Variants in GYS2 observed in about 807,000 individuals in gnomAD.
GYS2 encodes glycogen synthase 2.
GYS2 carries 80 observed loss-of-function variants against 85.6 expected under a neutral mutation model. The ratio of observed to expected loss-of-function variants is 0.93; its 90% CI spans 0.78 to 1.13. GYS2 has a LOEUF of 1.13. Among genes scored for constraint, GYS2 ranks in the 50% most tolerant of loss-of-function variants. The pLI is 0.00. For synonymous variants in GYS2, 328 were observed against 300.7 expected (o/e 1.09, Z -0.94); for missense variants, 881 against 854.9 (o/e 1.03, Z -0.38).
chr12:21,599,158 G>T (rs931268239), intron 1 of GYS2, among the ~76,000 whole-genome samples: 2 of 151,686 alleles, frequency 1.3e-5, no homozygotes, highest in Non-Finnish European at 2.9e-5. Flanking sequence ...CACATATGGA[G>T]AAATTTCACT....
rs78428749 is a variant in GYS2, at chr12:21,555,382, G to A, written c.1422+2818C>T. Among the ~76,000 whole-genome samples, 101 of 152,214 alleles carry A rather than the reference G, an allele frequency of 6.6e-4. 3 individuals carry two copies. In the East Asian group the frequency reaches 0.019, roughly 29 times the overall value. Reference sequence around the variant, plus strand: ...GATACATTCCTGCATTCCCAGGGATGTAGCTCACTTATTATAGGAGGTGTG... The same window carrying A: ...GATACATTCCTGCATTCCCAGGGATATAGCTCACTTATTATAGGAGGTGTG... On this transcript the variant is annotated intron_variant, in intron 11 of 15. Coordinates refer to ENST00000261195, the MANE Select transcript of GYS2 (RefSeq NM_021957.4).
At chr12:21,591,178 C>T (rs1450877191) in intron 1 of GYS2, among the ~76,000 whole-genome samples, 1 of 151,662 alleles carries the variant, frequency 6.6e-6, no homozygotes, top group African/African-American at 2.4e-5. Context: ...AAAAAGAATC[C>T]AAAATGTTGA....
intron 3 of GYS2, 64 bp from the exon 4 acceptor site, chr12:21,574,390 C>T: frequency 8.2e-7 from 1 of 1,226,716 alleles, no homozygotes; most frequent in Non-Finnish European, 1.2e-6. Flanking sequence ...GCTCATGGTC[C>T]ACATCATAAG....
chr12:21,580,581 T>G (rs1944497768), intron 1 of GYS2, 58 bp from the exon 2 acceptor site: 1 of 1,269,142 alleles, frequency 7.9e-7, no homozygotes, highest in African/African-American at 1.5e-5. Flanking sequence ...TTTAAAGTAA[T>G]AAGGGATGGA....
chr12:21,565,613 A>C (rs1021826600), intron 5 of GYS2, among the ~76,000 whole-genome samples: 1 of 150,458 alleles, frequency 6.6e-6, no homozygotes, highest in Non-Finnish European at 1.5e-5. Flanking sequence ...GATTAATTTA[A>C]TTTAATTAGT....
At chr12:21,551,754 T>C (rs895711729) in intron 11 of GYS2, among the ~76,000 whole-genome samples, 3 of 152,286 alleles carry the variant, frequency 2.0e-5, no homozygotes, top group Non-Finnish European at 1.5e-5. Flanking sequence ...GAGTTCCTAT[T>C]ATGTGCAAAG....
At chr12:21,570,974 G>C (rs1451214343) in intron 4 of GYS2, among the ~76,000 whole-genome samples, 2 of 152,210 alleles carry the variant, frequency 1.3e-5, no homozygotes, top group African/African-American at 4.8e-5. Flanking sequence ...CTGGTATATG[G>C]AAAGTGCTCA....
At chr12:21,560,031 C>T (rs1289046773) in intron 8 of GYS2, among the ~76,000 whole-genome samples, 1 of 152,120 alleles carries the variant, frequency 6.6e-6, no homozygotes, top group African/African-American at 2.4e-5. Context: ...ATTCGTTGAT[C>T]ATTGTTGAAT....
Position 21,568,955 on chromosome 12 carries a change from C to G in GYS2, c.733G>C (p.Glu245Gln). ...ERQIYHRYCMERASVHCAHVF... is the reference protein window; with the variant it reads ...ERQIYHRYCMQRASVHCAHVF... ...TGAGCGCAATGAACGGAAGCTCGCT[C>G]CATGCAGTACCGGTGGTAAATCTGC... Residue 245 changes from glutamate to glutamine, a missense_variant, in exon 5 of 16, where the codon GAG (glutamate) becomes CAG (glutamine). Physicochemically the swap from Glu to Gln is conservative, Grantham distance 29 (BLOSUM62 2). Transcript: ENST00000261195. 1 of 1,613,750 alleles carries G rather than the reference C, an allele frequency of 6.2e-7. No individual in the cohort carries two copies. The highest frequency in any genetic ancestry group is 1.1e-5 in the South Asian group (1 of 91,068).
chr12:21,573,124 T>C (rs1221810087), intron 4 of GYS2, among the ~76,000 whole-genome samples: 7 of 152,198 alleles, frequency 4.6e-5, no homozygotes, highest in Non-Finnish European at 1.0e-4. Flanking sequence ...GGACCACTCA[T>C]TGCTTTACAG....
chr12:21,592,379 A>G (rs1407166882), intron 1 of GYS2, among the ~76,000 whole-genome samples: 1 of 152,086 alleles, frequency 6.6e-6, no homozygotes, highest in Non-Finnish European at 1.5e-5. Context: ...AATATGACCC[A>G]GTTGTAAGCT....
chr12:21,541,373 GAC>G (rs766949558), intron 13 of GYS2, among the ~76,000 whole-genome samples: 85 of 145,768 alleles, frequency 5.8e-4, no homozygotes, highest in Non-Finnish European at 6.4e-4. Context: ...AATATGAACA[GAC>G]AGATAATGGT....
chr12:21,540,722 T>C, intron 13 of GYS2, 149 bp from the exon 14 acceptor site: 1 of 719,654 alleles, frequency 1.4e-6, no homozygotes, highest in South Asian at 1.5e-5. Flanking sequence ...TATTCTTTTC[T>C]GAGGCCCTAA....
At chr12:21,566,259 G>A (rs1343899504) in intron 5 of GYS2, among the ~76,000 whole-genome samples, 1 of 151,914 alleles carries the variant, frequency 6.6e-6, no homozygotes, top group Non-Finnish European at 1.5e-5. Flanking sequence ...TGCACCCTCA[G>A]CGTTAAAAGT....
At chr12:21,569,778 T>A (rs1294763890) in intron 4 of GYS2, among the ~76,000 whole-genome samples, 1 of 152,184 alleles carries the variant, frequency 6.6e-6, no homozygotes, top group African/African-American at 2.4e-5. Flanking sequence ...ATAGTGAAGA[T>A]TTTTAGTAGC....
intron 15 of GYS2, 182 bp from the exon 16 acceptor site, chr12:21,537,357 T>C (rs1010580639): frequency 1.6e-6 from 1 of 628,824 alleles, no homozygotes; most frequent in Admixed American, 2.5e-5. Flanking sequence ...TCATTCAATA[T>C]ATAGCTATTC....
At chr12:21,562,811 T>A in intron 7 of GYS2, 107 bp downstream of exon 7, 4 of 1,188,656 alleles carry the variant, frequency 3.4e-6, no homozygotes, top group Non-Finnish European at 4.9e-6. Flanking sequence ...AATACGATTA[T>A]CGTTTATTCT....
chr12:21,533,227 C>G (rs1280112560), downstream of GYS2, among the ~76,000 whole-genome samples: 3 of 152,156 alleles, frequency 2.0e-5, no homozygotes, highest in Non-Finnish European at 4.4e-5. Flanking sequence ...ATCCTGGGCT[C>G]TTAATTATTC....
Position 21,604,495 on chromosome 12 carries a change from A to G in GYS2, c.98T>C (p.Val33Ala), listed in dbSNP as rs753050580. Residue 33 changes from valine (V) to alanine (A), a missense_variant, in exon 1 of 16, where the codon GTT becomes GCT. Transcript: ENST00000261195. Reference sequence around the variant, plus strand: ...ACCTTTATTGGTCACTTCCCAAGCAACTTCAAAGAGCAGTAACTCCTCCAC... The same window carrying G: ...ACCTTTATTGGTCACTTCCCAAGCAGCTTCAAAGAGCAGTAACTCCTCCAC... ...LPVEELLLFEVAWEVTNKVGG... is the reference protein window; with the variant it reads ...LPVEELLLFEAAWEVTNKVGG... The G allele has an allele frequency of 9.3e-6, 15 of 1,611,774 alleles. 1 individual carries two copies. The South Asian group carries it at 1.6e-4, about 18-fold the overall frequency.
Sources: gnomAD v4.1 joint callset for allele counts (sites outside exome capture counted in the v4.1 genomes callset) on GRCh38, gnomAD v4.1.1 for gene constraint, MANE v1.5 for transcripts, NCBI Gene and HGNC (gene_info 2026-07-23, HGNC 2026-07-21) for gene names.